The following UBE2W variants were observed in gnomAD, a reference collection of about 807,000 sequenced individuals.
UBE2W encodes ubiquitin-conjugating enzyme E2 W.
UBE2W carries 18 observed loss-of-function variants against 27.2 expected under a neutral mutation model. That is an observed-to-expected ratio of 0.66 (90% CI 0.46 to 0.98). The LOEUF is 0.98. Ranked by LOEUF, UBE2W falls within the 50% of genes least tolerant of loss-of-function variation. The pLI is 0.00. For synonymous variants in UBE2W, 53 were observed against 57.2 expected (o/e 0.93, Z 0.33); for missense variants, 90 against 180.2 (o/e 0.50, Z 2.87).
At chr8:73,807,019 C>T (rs1808938138) in intron 4 of UBE2W, among the ~76,000 whole-genome samples, 2 of 152,140 alleles carry the variant, frequency 1.3e-5, no homozygotes, top group Non-Finnish European at 2.9e-5. Flanking sequence ...ATGGAAGAGA[C>T]TTTTCCTGAA....
intron 1 of UBE2W, among the ~76,000 whole-genome samples, chr8:73,866,777 C>T (rs1363467886): frequency 1.3e-5 from 2 of 152,022 alleles, no homozygotes; most frequent in African/African-American, 2.4e-5. Context: ...TGGCTGGGCG[C>T]GGTGGCTCAT....
intron 1 of UBE2W, among the ~76,000 whole-genome samples, chr8:73,858,985 T>C (rs868701067): frequency 0.01 from 1,156 of 111,364 alleles, 16 homozygotes; most frequent in Non-Finnish European, 0.011. Flanking sequence ...TTTGCGTGTG[T>C]GTGTGTGTGT....
intron 1 of UBE2W, among the ~76,000 whole-genome samples, chr8:73,846,507 A>T (rs1810808285): frequency 6.6e-6 from 1 of 152,260 alleles, no homozygotes; most frequent in African/African-American, 2.4e-5. Context: ...ACACATTAGT[A>T]ATCAGCACTA....
chr8:73,821,843 A>G (rs1809628816), intron 3 of UBE2W, among the ~76,000 whole-genome samples: 1 of 152,120 alleles, frequency 6.6e-6, no homozygotes, highest in South Asian at 2.1e-4. Flanking sequence ...TCTACAAAAA[A>G]TATAAAAATT....
intron 4 of UBE2W, among the ~76,000 whole-genome samples, chr8:73,809,791 C>T (rs1809071703): frequency 6.6e-6 from 1 of 152,100 alleles, no homozygotes; most frequent in Admixed American, 6.6e-5. Flanking sequence ...TGTTGGCCAG[C>T]TGGTCTCGAA....
At chr8:73,827,186 G>A (rs1411692967) in intron 2 of UBE2W, among the ~76,000 whole-genome samples, 1 of 152,106 alleles carries the variant, frequency 6.6e-6, no homozygotes, top group African/African-American at 2.4e-5. Context: ...GAGGTCAAAG[G>A]CAGCATAACT....
At chr8:73,813,562 T>C (rs756632843) in intron 3 of UBE2W, among the ~76,000 whole-genome samples, 1 of 152,220 alleles carries the variant, frequency 6.6e-6, no homozygotes, top group Non-Finnish European at 1.5e-5. Flanking sequence ...GGGAATTGCA[T>C]GTAATAGGTA....
chr8:73,875,209 C>A (rs1812166760), intron 1 of UBE2W, among the ~76,000 whole-genome samples: 1 of 152,138 alleles, frequency 6.6e-6, no homozygotes, highest in East Asian at 1.9e-4. Flanking sequence ...TTGTATATGG[C>A]AGAACTCTAG....
intron 5 of UBE2W, among the ~76,000 whole-genome samples, chr8:73,796,212 T>C (rs973353187): frequency 6.6e-6 from 1 of 151,822 alleles, no homozygotes; most frequent in Non-Finnish European, 1.5e-5. Flanking sequence ...AGAGTAACAA[T>C]AGGGTTGGTC....
At chr8:73,805,453 T>TCAAAAAAAAAAAACAAA (rs1808834617) in intron 5 of UBE2W, among the ~76,000 whole-genome samples, 198 bp downstream of exon 5, 1 of 706 alleles carries the variant, frequency 1.4e-3, no homozygotes, top group Non-Finnish European at 2.5e-3. Flanking sequence ...AAACTCCATC[T>TCAAAAAAAAAAAACAAA]CAAAAAAAAA....
chr8:73,825,683 C>CTCA (rs1809807733), intron 2 of UBE2W, among the ~76,000 whole-genome samples: 1 of 152,082 alleles, frequency 6.6e-6, no homozygotes, highest in Non-Finnish European at 1.5e-5. Flanking sequence ...CACCTGTAAT[C>CTCA]CCAGCTACTC....
intron 1 of UBE2W, among the ~76,000 whole-genome samples, chr8:73,865,715 T>C (rs1811723886): frequency 6.6e-6 from 1 of 152,172 alleles, no homozygotes. Flanking sequence ...GATCTCTCTA[T>C]ATATTTTTAA....
chr8:73,796,200 A>C (rs11786311), intron 5 of UBE2W, among the ~76,000 whole-genome samples: 1 of 152,258 alleles, frequency 6.6e-6, no homozygotes, highest in South Asian at 2.1e-4. Context: ...CGCTTCTGCA[A>C]TAGAGTAACA....
intron 1 of UBE2W, among the ~76,000 whole-genome samples, chr8:73,871,885 A>T (rs1812021377): frequency 6.6e-6 from 1 of 151,588 alleles, no homozygotes; most frequent in East Asian, 1.9e-4. Flanking sequence ...GCGGCACTTT[A>T]TTTTTTATTT....
intron 1 of UBE2W, among the ~76,000 whole-genome samples, chr8:73,840,496 A>C (rs1216764831): frequency 6.6e-6 from 1 of 152,272 alleles, no homozygotes; most frequent in East Asian, 1.9e-4. Context: ...AACTGGAAGA[A>C]CAGAATATAT....
intron 5 of UBE2W, 71 bp downstream of exon 5, chr8:73,805,580 A>C: frequency 1.1e-6 from 1 of 894,386 alleles, no homozygotes; most frequent in Non-Finnish European, 1.6e-6. Context: ...CTTTTTCCCA[A>C]GTCTTATAGC....
intron 1 of UBE2W, chr8:73,830,997 A>C (rs980623126): frequency 1.0e-5 from 2 of 192,764 alleles, no homozygotes; most frequent in East Asian, 2.6e-4. Flanking sequence ...GCTTCCAGGC[A>C]GCTGAATGTA....
Position 73,789,844 on chromosome 8 carries a change from A to T in UBE2W, c.*4258T>A. 1.1e-6 allele frequency: 1 copy of T among 872,166 alleles called. No homozygotes were observed. The highest frequency in any genetic ancestry group is 1.8e-5 in the African/African-American group (1 of 55,030). The allele number at this position is 872,166 out of a possible 1,614,324, so 54.0% of individuals were successfully genotyped here. A position where few individuals can be genotyped will look rare whatever the true frequency, so the allele number is the denominator to read the frequency against. On this transcript the variant is annotated 3_prime_UTR_variant, in exon 6 of 6. Coordinates refer to ENST00000602593, the MANE Select transcript of UBE2W (RefSeq NM_018299.6). Reference sequence around the variant, plus strand: ...AGAGCAAGACTCCGTCTCAAAAATAAATAAATAAATAAATAATAAAAATAA... The same window carrying T: ...AGAGCAAGACTCCGTCTCAAAAATATATAAATAAATAAATAATAAAAATAA...
chr8:73,810,285 T>C (rs957517711), intron 4 of UBE2W, among the ~76,000 whole-genome samples, 189 bp downstream of exon 4: 2 of 152,218 alleles, frequency 1.3e-5, no homozygotes, highest in African/African-American at 4.8e-5. Context: ...ATTCAACATG[T>C]AAAACTTCTA....
Sources: allele counts gnomAD v4.1 joint callset (sites outside exome capture counted in the v4.1 genomes callset), GRCh38; gene constraint gnomAD v4.1.1; transcripts MANE v1.5; gene names NCBI Gene and HGNC (gene_info 2026-07-23, HGNC 2026-07-21).